GRM4: variants seen among roughly 807,000 people sequenced by gnomAD.
GRM4 encodes the protein metabotropic glutamate receptor 4.
In GRM4, 28 loss-of-function variants were observed where a neutral mutation model predicts 81.7. That is an observed-to-expected ratio of 0.34 (90% CI 0.25 to 0.47). GRM4 has a LOEUF of 0.47. Ranked by LOEUF, GRM4 falls within the 20% of genes least tolerant of loss-of-function variation. GRM4 has a pLI of 1.00. For missense variants in GRM4, 948 were observed against 1,290.0 expected (o/e 0.73, Z 4.06); for synonymous variants, 488 against 528.8 (o/e 0.92, Z 1.06).
intron 1 of GRM4, among the ~76,000 whole-genome samples, chr6:34,137,591 C>T (rs5875494): frequency 3.7e-5 from 5 of 133,620 alleles, no homozygotes; most frequent in Admixed American, 7.7e-5. Flanking sequence ...CCTTTTTTTT[C>T]TTTTTTTTTT....
chr6:34,049,066 C>T (rs1372486062), intron 6 of GRM4, among the ~76,000 whole-genome samples: 3 of 152,100 alleles, frequency 2.0e-5, no homozygotes, highest in East Asian at 3.9e-4. Context: ...ACCCACCCCT[C>T]CCCAGCTAGC....
At chr6:34,139,323 G>A (rs2127515462) in intron 1 of GRM4, among the ~76,000 whole-genome samples, 1 of 152,290 alleles carries the variant, frequency 6.6e-6, no homozygotes, top group Middle Eastern at 3.4e-3. Context: ...GAGGAGAGCA[G>A]GGAGGGAAAA....
At chr6:34,076,541 C>T (rs1019620957) in intron 3 of GRM4, among the ~76,000 whole-genome samples, 2 of 152,224 alleles carry the variant, frequency 1.3e-5, no homozygotes, top group Non-Finnish European at 2.9e-5. Flanking sequence ...GGCTGCTGGC[C>T]CACACCGGGG....
chr6:34,040,514 C>A, intron 7 of GRM4, 34 bp downstream of exon 7: 3 of 1,584,432 alleles, frequency 1.9e-6, no homozygotes, highest in Non-Finnish European at 2.6e-6. Flanking sequence ...CCCAGGATAC[C>A]CAGGGTCAGG....
chr6:34,133,057 G>A lies in GRM4; in HGVS notation c.440C>T (p.Pro147Leu), dbSNP rs754638967. ...ACCGATGACACCCACCACACGTTCA[G>A]GCTTGGTGATGATGGGTGGGCCGCC... ...GSGGPPIITK[P>L]ERVVGVIGAS... The change falls in exon 2 of 11, where the codon CCT (proline) becomes CTT (leucine). Residue 147 changes from proline (P) to leucine (L), a missense_variant. Physicochemically the swap from Pro to Leu is moderately conservative, Grantham distance 98. Transcript: ENST00000538487. The surrounding 1 kb of genome is among the most constrained non-coding windows in gnomAD (Gnocchi z 6.5). The A allele has an allele frequency of 1.2e-6, 2 of 1,613,970 alleles. No individual in the cohort carries two copies. The highest frequency in any genetic ancestry group is 1.7e-6 in the Non-Finnish European group (2 of 1,179,876).
In GRM4 at chr6:34,025,482, A is replaced by G. The variant is rs993270803; in HGVS notation, c.2690-2612T>C. ...GGGGCACCAGGGGCAGCTGCAGACT[A>G]GAGAAAGTGTAGAGAGGAAGGACCA... is the stretch of plus-strand genomic sequence containing the variant. On this transcript the variant is annotated intron_variant, in intron 10 of 10. Transcript: ENST00000538487. 2.6e-5 allele frequency among the ~76,000 whole-genome samples: 4 copies of G among 152,240 alleles called. No individual in the cohort carries two copies. The East Asian group carries it at 5.8e-4, about 22-fold the overall frequency.
rs532185992 is a variant in GRM4 at position 34,136,962 on chromosome 6, G to A, written c.-363-3103C>T. On this transcript the variant is annotated intron_variant, in intron 1 of 10. Transcript: ENST00000538487. This position sits in a 1 kb window ranked among gnomAD's most constrained non-coding sequence, Gnocchi z 4.1. ...GGGTGGGTTGGGGTGGGGGCCAGGC[G>A]GATGCTCCCTTCCCCCGCAGGGCCT... is the stretch of plus-strand genomic sequence containing the variant. Among the ~76,000 whole-genome samples, 13 of 152,296 alleles carry A rather than the reference G, an allele frequency of 8.5e-5. No individual in the cohort carries two copies. Among genetic ancestry groups the A allele is most frequent in the South Asian group, 4.1e-4 (2 of 4,820 alleles).
intron 6 of GRM4, among the ~76,000 whole-genome samples, chr6:34,044,327 TACAC>T (rs767524631): frequency 7.9e-5 from 5 of 63,432 alleles, no homozygotes; most frequent in South Asian, 5.3e-4. Flanking sequence ...CAGACACACA[TACAC>T]ACAGACATAC....
Position 34,121,070 on chromosome 6 carries a change from G to A in GRM4, c.519+11908C>T, listed in dbSNP as rs1318147510. Among the ~76,000 whole-genome samples, 1 of 152,056 alleles carries A rather than the reference G, an allele frequency of 6.6e-6. No individual in the cohort carries two copies. Among genetic ancestry groups the A allele is most frequent in the Non-Finnish European group, 1.5e-5 (1 of 68,014 alleles). On this transcript the variant is annotated intron_variant, in intron 2 of 10. Coordinates refer to ENST00000538487, the MANE Select transcript of GRM4 (RefSeq NM_000841.4). The surrounding 1 kb of genome is among the most constrained non-coding windows in gnomAD (Gnocchi z 4.6). ...GAAAGAGAGTAAGCCCTTCATGACG[G>A]ACCCACATTGAACATGCCACTCATT...
intron 3 of GRM4, among the ~76,000 whole-genome samples, chr6:34,066,618 C>G (rs764945150): frequency 6.6e-6 from 1 of 151,948 alleles, no homozygotes; most frequent in Non-Finnish European, 1.5e-5. Context: ...CTCAAGTGTT[C>G]GCTGAGTGAC....
intron 2 of GRM4, among the ~76,000 whole-genome samples, chr6:34,129,243 G>A (rs1032923391): frequency 6.6e-6 from 1 of 152,192 alleles, no homozygotes; most frequent in African/African-American, 2.4e-5. Context: ...TCGAACTCCT[G>A]ACCTCAGGTG....
chr6:34,037,861 CAAAAAA>C (rs34369343), intron 8 of GRM4, among the ~76,000 whole-genome samples: 5 of 116,172 alleles, frequency 4.3e-5, no homozygotes, highest in Non-Finnish European at 5.4e-5. Context: ...GATTCCGTCT[CAAAAAA>C]AAAAAAAAAA....
upstream of GRM4, chr6:34,146,175 C>T (rs193217717): frequency 2.0e-5 from 20 of 984,350 alleles, no homozygotes; most frequent in Admixed American, 4.9e-4. Context: ...GCGTATGCCC[C>T]CATGTGGCAT....
Position 34,069,167 on chromosome 6 carries a change from T to TAC in GRM4, c.737-7141_737-7140dup, listed in dbSNP as rs71000021. Among the ~76,000 whole-genome samples, 11,590 of 134,548 alleles carry TAC rather than the reference T, an allele frequency of 0.086. 516 individuals are homozygous for TAC. The highest frequency in any genetic ancestry group is 0.099 in the Non-Finnish European group (6,331 of 63,894). 88.3% of individuals were successfully genotyped at this position (134,548 alleles called of 152,430 possible). On this transcript the variant is annotated intron_variant, in intron 3 of 10. Coordinates refer to ENST00000538487, the MANE Select transcript of GRM4 (RefSeq NM_000841.4). The surrounding 1 kb of genome is among the most constrained non-coding windows in gnomAD (Gnocchi z 6.4). Reference sequence around the variant, plus strand: ...CTACCCCTGGACCCTCATGGGCGTATACACACACACACACACACACACACA... The same window carrying TAC: ...CTACCCCTGGACCCTCATGGGCGTATACACACACACACACACACACACACACA...
At chr6:34,073,303 TCAC>T (rs779752007) in intron 3 of GRM4, among the ~76,000 whole-genome samples, 2 of 134,328 alleles carry the variant, frequency 1.5e-5, no homozygotes, top group Non-Finnish European at 3.2e-5. Context: ...CATCCACACA[TCAC>T]CACACAGATA....
At chr6:34,116,676 A>G (rs2127501571) in intron 2 of GRM4, among the ~76,000 whole-genome samples, 1 of 152,326 alleles carries the variant, frequency 6.6e-6, no homozygotes, top group East Asian at 1.9e-4. Context: ...ATATATGAGA[A>G]ACGAGCGTTT....
At chr6:34,099,583 C>T (rs534804027) in intron 2 of GRM4, among the ~76,000 whole-genome samples, 3 of 152,244 alleles carry the variant, frequency 2.0e-5, no homozygotes, top group East Asian at 1.9e-4. Flanking sequence ...CAGCAGTCCC[C>T]GGCCTTCAGC....
intron 6 of GRM4, among the ~76,000 whole-genome samples, chr6:34,049,069 C>T (rs958727698): frequency 2.0e-5 from 3 of 152,120 alleles, no homozygotes; most frequent in African/African-American, 7.2e-5. Context: ...CACCCCTCCC[C>T]AGCTAGCATC....
At position 34,066,102 on chromosome 6, in the gene GRM4, G is replaced by A. The variant is rs1009608689; in HGVS notation, c.737-4074C>T. ...AGACAGCTGGACACCTGATCAAGGC[G>A]TGTCCATTGGAACCCTCTGCAGAAC... is the stretch of plus-strand genomic sequence containing the variant. On this transcript the variant is annotated intron_variant, in intron 3 of 10. Coordinates refer to ENST00000538487, the MANE Select transcript of GRM4 (RefSeq NM_000841.4). Among the ~76,000 whole-genome samples the A allele has an allele frequency of 9.2e-5, 14 of 152,114 alleles. 1 individual carries two copies. Among genetic ancestry groups the A allele is most frequent in the Admixed American group, 7.2e-4 (11 of 15,270 alleles).
Sources: gnomAD v4.1 joint callset for allele counts (sites outside exome capture counted in the v4.1 genomes callset) on GRCh38, gnomAD v4.1.1 for gene constraint, Gnocchi (gnomAD v3.1) non-coding constraint, MANE v1.5 for transcripts, NCBI Gene and HGNC (gene_info 2026-07-23, HGNC 2026-07-21) for gene names.